VPS13C: variants seen among roughly 807,000 people sequenced by gnomAD.
VPS13C encodes intermembrane lipid transfer protein VPS13C.
A neutral mutation model predicts 456.8 loss-of-function variants in VPS13C; 358 were observed. The observed-to-expected ratio is 0.78, with a 90% CI of 0.72 to 0.86. VPS13C has a LOEUF of 0.86. VPS13C is among the 40% of genes least tolerant of loss of function. The pLI, the probability that VPS13C is intolerant of heterozygous loss-of-function variation, is 0.00. For missense variants in VPS13C, 4,818 were observed against 4,385.4 expected (o/e 1.10, Z -2.79); for synonymous variants, 1,578 against 1,486.7 (o/e 1.06, Z -1.41).
chr15:61,987,209 T>G (rs1207610368), intron 18 of VPS13C, among the ~76,000 whole-genome samples: 5 of 148,436 alleles, frequency 3.4e-5, no homozygotes, highest in African/African-American at 1.2e-4. Flanking sequence ...GCCAAAACAC[T>G]CTTAAAAAAA....
At chr15:61,978,817 G>C in intron 22 of VPS13C, 68 bp from the exon 23 acceptor site, 1 of 1,485,234 alleles carries the variant, frequency 6.7e-7, no homozygotes, top group Non-Finnish European at 9.0e-7. Flanking sequence ...ACATACTTTA[G>C]TTAGGTTTCA....
chr15:61,919,195 C>T, intron 58 of VPS13C, 94 bp downstream of exon 58: 1 of 1,221,480 alleles, frequency 8.2e-7, no homozygotes, highest in Non-Finnish European at 1.1e-6. Context: ...TCAGAATTGA[C>T]CTGATGAAGT....
intron 84 of VPS13C, 103 bp from the exon 85 acceptor site, chr15:61,854,661 C>A: frequency 8.0e-7 from 1 of 1,255,086 alleles, no homozygotes; most frequent in Non-Finnish European, 1.2e-6. Flanking sequence ...CAAACAGGAC[C>A]AACAGCTAAG....
In VPS13C at chr15:61,941,753, A is replaced by G. The variant is rs758818972; in HGVS notation, c.5453+10T>C. ...AGTAAGCAATACACAATTAGATTACATATTTATACCTTGACAGCTTCAACT... is the reference window on the plus strand; with the variant it reads ...AGTAAGCAATACACAATTAGATTACGTATTTATACCTTGACAGCTTCAACT... On this transcript the variant is annotated intron_variant, in intron 46 of 84. Coordinates refer to ENST00000644861, the MANE Select transcript of VPS13C (RefSeq NM_020821.3). 6 of 1,593,324 alleles carry G rather than the reference A, an allele frequency of 3.8e-6. No homozygotes were observed. In the South Asian group the frequency reaches 5.6e-5, roughly 15 times the overall value.
intron 66 of VPS13C, among the ~76,000 whole-genome samples, chr15:61,895,145 A>G (rs756027490): frequency 2.6e-4 from 40 of 152,188 alleles, no homozygotes; most frequent in Admixed American, 6.6e-5. Context: ...AAGGAAATAA[A>G]AAATTTTCTT....
chr15:62,015,351 G>T (rs900849008), intron 9 of VPS13C, among the ~76,000 whole-genome samples: 1 of 151,856 alleles, frequency 6.6e-6, no homozygotes, highest in African/African-American at 2.4e-5. Context: ...AGAAGCTCTT[G>T]AGTTTAATTA....
At chr15:62,002,047 C>G (rs2046641981) in intron 15 of VPS13C, among the ~76,000 whole-genome samples, 1 of 152,164 alleles carries the variant, frequency 6.6e-6, no homozygotes, top group African/African-American at 2.4e-5. Context: ...AATGAGATGG[C>G]TGGGTCAAAT....
chr15:62,046,999 T>C (rs2140750137), intron 1 of VPS13C, among the ~76,000 whole-genome samples: 1 of 152,168 alleles, frequency 6.6e-6, no homozygotes, highest in African/African-American at 2.4e-5. Flanking sequence ...TGTGAAATTA[T>C]TACGGAAATT....
intron 38 of VPS13C, 74 bp downstream of exon 38, chr15:61,954,347 A>C (rs2044909267): frequency 8.7e-6 from 13 of 1,487,044 alleles, no homozygotes; most frequent in Non-Finnish European, 1.1e-5. Context: ...AATTATCTGT[A>C]AGTTTAGTAG....
intron 13 of VPS13C, among the ~76,000 whole-genome samples, chr15:62,009,131 A>G (rs2046954882): frequency 6.6e-6 from 1 of 152,198 alleles, no homozygotes; most frequent in Non-Finnish European, 1.5e-5. Flanking sequence ...CTATGATATA[A>G]AATATGCCTG....
intron 15 of VPS13C, among the ~76,000 whole-genome samples, chr15:62,001,515 AC>A (rs1302866131): frequency 6.6e-6 from 1 of 151,726 alleles, no homozygotes; most frequent in Non-Finnish European, 1.5e-5. Flanking sequence ...GTTCGTATTT[AC>A]TTTTTTTTTA....
At position 61,881,763 on chromosome 15, in the gene VPS13C, A is replaced by C. The variant is rs770198152; in HGVS notation, c.9690T>G (p.Ser3230=). The change falls in exon 70 of 85, where the codon TCT becomes TCG. Residue 3230 remains serine (S), a synonymous_variant. Coordinates refer to ENST00000644861, the MANE Select transcript of VPS13C (RefSeq NM_020821.3). The part of the protein sequence containing the change: ...VVFHPVAPPK[S]IALDSEPKPF... ...TTATTTTACCTGAATCTAAAGCAAT[A>C]GATTTTGGAGGGGCAACAGGATGAA... 6.2e-7 allele frequency: 1 copy of C among 1,609,274 alleles called. No individual in the cohort carries two copies. Among genetic ancestry groups the C allele is most frequent in the South Asian group, 1.1e-5 (1 of 89,744 alleles).
intron 49 of VPS13C, among the ~76,000 whole-genome samples, chr15:61,932,045 C>A (rs1015167894): frequency 1.3e-5 from 2 of 152,070 alleles, no homozygotes; most frequent in Non-Finnish European, 2.9e-5. Context: ...CAAGAAGATG[C>A]TATTAGTTGT....
At chr15:62,025,020 CA>C (rs1205097374) in intron 6 of VPS13C, among the ~76,000 whole-genome samples, 2 of 152,078 alleles carry the variant, frequency 1.3e-5, no homozygotes, top group African/African-American at 2.4e-5. Flanking sequence ...TTGCATTAAA[CA>C]GTGATTATAC....
chr15:62,001,876 C>T (rs952791395), intron 15 of VPS13C, among the ~76,000 whole-genome samples: 20 of 152,276 alleles, frequency 1.3e-4, no homozygotes, highest in Non-Finnish European at 2.1e-4. Context: ...GCATAGTATT[C>T]CATGGTGTAT....
chr15:61,863,459 T>C lies in VPS13C; in HGVS notation c.10933A>G (p.Ile3645Val), dbSNP rs766833164. ...HCAIPGSKKT[I>V]LMVTNRRVLC... ...CAGTACCTATTTGTAACCATAAGGA[T>C]TGTCTTCTTGCTTCCAGGAATAGCA... Residue 3645 changes from isoleucine to valine, a missense_variant, in exon 82 of 85, where the codon ATC (isoleucine) becomes GTC (valine). This residue lies in a region of VPS13C where 261 missense variants were observed against 234.1 expected (regional missense o/e 1.11). Transcript: ENST00000644861. The C allele has an allele frequency of 2.5e-5, 40 of 1,612,490 alleles. No individual in the cohort carries two copies. The highest frequency in any genetic ancestry group is 1.9e-4 in the South Asian group (17 of 90,928).
chr15:61,931,672 C>T (rs1046608695), intron 49 of VPS13C, among the ~76,000 whole-genome samples: 2 of 150,688 alleles, frequency 1.3e-5, no homozygotes, highest in Non-Finnish European at 1.5e-5. Flanking sequence ...CCACCTCCTG[C>T]GTTTAAGCAA....
intron 52 of VPS13C, among the ~76,000 whole-genome samples, chr15:61,926,674 A>G (rs2043860643): frequency 6.6e-6 from 1 of 152,252 alleles, no homozygotes; most frequent in Admixed American, 6.5e-5. Context: ...ATATGAAAAC[A>G]TAATTGACAT....
At chr15:62,038,444 C>A (rs1454521349) in intron 3 of VPS13C, among the ~76,000 whole-genome samples, 1 of 151,834 alleles carries the variant, frequency 6.6e-6, no homozygotes, top group Non-Finnish European at 1.5e-5. Flanking sequence ...CAAATATGAG[C>A]CAATCATGGT....
Sources: allele counts gnomAD v4.1 joint callset (sites outside exome capture counted in the v4.1 genomes callset), GRCh38; gene constraint gnomAD v4.1.1; regional missense constraint gnomAD v4.1.1; transcripts MANE v1.5; gene names NCBI Gene and HGNC (gene_info 2026-07-23, HGNC 2026-07-21).